Variants in IGF1R observed in about 807,000 individuals in gnomAD.
The protein encoded by IGF1R is insulin like growth factor 1 receptor, also known as insulin-like growth factor 1 receptor.
A neutral mutation model predicts 144.6 loss-of-function variants in IGF1R; 44 were observed. The ratio of observed to expected loss-of-function variants is 0.30; its 90% CI spans 0.24 to 0.39. The LOEUF (loss-of-function observed/expected upper bound fraction) is 0.39, where lower values mean the gene tolerates loss of function less well. Ranked by LOEUF, IGF1R falls within the 10% of genes least tolerant of loss-of-function variation. The pLI, the probability that IGF1R is intolerant of heterozygous loss-of-function variation, is 1.00. For synonymous variants in IGF1R, 795 were observed against 722.8 expected, an observed-to-expected ratio of 1.10 and a Z score of -1.60; for missense variants, 1,355 against 1,833.7, an observed-to-expected ratio of 0.74 and a Z score of 4.77.
At chr15:98,692,484 AG>A (rs2053500570) in intron 1 of IGF1R, among the ~76,000 whole-genome samples, 1 of 152,204 alleles carries the variant, frequency 6.6e-6, no homozygotes, top group South Asian at 2.1e-4. Context: ...CTGGGGTTAC[AG>A]GCATGAGCCA....
At chr15:98,780,575 AG>A (rs1316805991) in intron 2 of IGF1R, among the ~76,000 whole-genome samples, 387 of 9,822 alleles carry the variant, frequency 0.039, 45 homozygotes, top group African/African-American at 0.054. Flanking sequence ...AAAAAAAAAA[AG>A]AGAGAGAGAG....
intron 14 of IGF1R, among the ~76,000 whole-genome samples, 199 bp from the exon 15 acceptor site, chr15:98,930,036 G>A (rs1487103580): frequency 6.6e-6 from 1 of 152,256 alleles, no homozygotes; most frequent in Non-Finnish European, 1.5e-5. Flanking sequence ...GCCAGAAGAT[G>A]TGTTAGCAAA....
intron 2 of IGF1R, among the ~76,000 whole-genome samples, chr15:98,744,313 C>A (rs2054814904): frequency 1.3e-5 from 2 of 151,910 alleles, no homozygotes; most frequent in Admixed American, 1.3e-4. Context: ...GAACAACGTG[C>A]TAAAAGCCAC....
rs1349275283 is a variant in IGF1R at position 98,960,534 on chromosome 15, A to C, written c.*3092A>C. ...GAGGAGAGGAAGGTGTCCAGGCAGC[A>C]CCATCTCTGTGCGAATCCCCAGGGT... On this transcript the variant is annotated 3_prime_UTR_variant, in exon 21 of 21. Transcript: ENST00000650285. The C allele has an allele frequency of 4.3e-6, 1 of 233,320 alleles. No homozygotes were observed. The highest frequency in any genetic ancestry group is 8.5e-6 in the Non-Finnish European group (1 of 118,190). The allele number at this position is 233,320 out of a possible 1,614,324, so 14.5% of individuals were successfully genotyped here. A position where few individuals can be genotyped will look rare whatever the true frequency, so the allele number is the denominator to read the frequency against.
chr15:98,867,616 A>G (rs887193053), intron 2 of IGF1R, among the ~76,000 whole-genome samples: 4 of 152,180 alleles, frequency 2.6e-5, no homozygotes, highest in African/African-American at 7.2e-5. Flanking sequence ...TGTACATCTC[A>G]TCACCTGCAT....
At chr15:98,728,007 G>T (rs76190577) in intron 2 of IGF1R, among the ~76,000 whole-genome samples, 173 of 108,728 alleles carry the variant, frequency 1.6e-3, no homozygotes, top group East Asian at 5.5e-3. Context: ...AAGATGCATT[G>T]TTTTTTTTTT....
intron 20 of IGF1R, among the ~76,000 whole-genome samples, chr15:98,953,851 A>G (rs1327283941): frequency 1.3e-5 from 2 of 152,150 alleles, no homozygotes; most frequent in African/African-American, 4.8e-5. Flanking sequence ...TTCTGCGGGA[A>G]TCGAGTGCTT....
At chr15:98,657,691 C>T (rs1051758106) in intron 1 of IGF1R, among the ~76,000 whole-genome samples, 2 of 152,174 alleles carry the variant, frequency 1.3e-5, no homozygotes, top group South Asian at 4.1e-4. Context: ...AGGTACAGAA[C>T]TTTTGTTATG....
rs1188138807 is a variant in IGF1R, at chr15:98,935,081, A to G, written c.3186+28A>G. 6.4e-7 allele frequency: 1 copy of G among 1,550,520 alleles called. No individual in the cohort carries two copies. Among genetic ancestry groups the G allele is most frequent in the South Asian group, 1.1e-5 (1 of 89,612 alleles). ...AAGAGAAAGTTCCTGAAAAGCCAAAATGCAGCACAGGGAGAGGGTATCACA... is the reference window on the plus strand; with the variant it reads ...AAGAGAAAGTTCCTGAAAAGCCAAAGTGCAGCACAGGGAGAGGGTATCACA... On this transcript the variant is annotated intron_variant, in intron 16 of 20. Transcript: ENST00000650285. This position sits in a 1 kb window ranked among gnomAD's most constrained non-coding sequence, Gnocchi z 4.2.
At chr15:98,836,585 A>G (rs546510699) in intron 2 of IGF1R, among the ~76,000 whole-genome samples, 3 of 152,122 alleles carry the variant, frequency 2.0e-5, no homozygotes, top group Admixed American at 6.5e-5. Flanking sequence ...AGCATTTTAC[A>G]TAATCTATAC....
At chr15:98,679,356 C>T (rs1423369698) in intron 1 of IGF1R, among the ~76,000 whole-genome samples, 1 of 152,152 alleles carries the variant, frequency 6.6e-6, no homozygotes, top group Non-Finnish European at 1.5e-5. Flanking sequence ...CTCTCTTAAT[C>T]TTGATTAGAT....
chr15:98,755,021 A>T (rs1036948963), intron 2 of IGF1R, among the ~76,000 whole-genome samples: 3 of 152,216 alleles, frequency 2.0e-5, no homozygotes, highest in South Asian at 2.1e-4. Context: ...GTCTCTTTAA[A>T]ATTCTCTTTA....
At chr15:98,734,971 C>T (rs543152374) in intron 2 of IGF1R, among the ~76,000 whole-genome samples, 31 of 152,258 alleles carry the variant, frequency 2.0e-4, no homozygotes, top group Admixed American at 7.8e-4. Flanking sequence ...TGCATTAAAA[C>T]AAGTATGGGT....
chr15:98,749,572 A>G (rs868002956), intron 2 of IGF1R, among the ~76,000 whole-genome samples: 6 of 152,332 alleles, frequency 3.9e-5, no homozygotes, highest in Middle Eastern at 3.4e-3. Context: ...CTCACTTGTT[A>G]TTTAATAATG....
intron 1 of IGF1R, among the ~76,000 whole-genome samples, chr15:98,664,888 A>G (rs1349027821): frequency 1.3e-5 from 2 of 149,340 alleles, no homozygotes; most frequent in East Asian, 2.0e-4. Flanking sequence ...TTGGGTGTGT[A>G]TTGATTCTGA....
chr15:98,670,225 A>G (rs1309846333), intron 1 of IGF1R, among the ~76,000 whole-genome samples: 2 of 152,154 alleles, frequency 1.3e-5, no homozygotes, highest in South Asian at 4.1e-4. Flanking sequence ...GAGTGAGCAC[A>G]CTGGGAAAGA....
At chr15:98,689,224 A>G (rs920298325) in intron 1 of IGF1R, among the ~76,000 whole-genome samples, 4 of 147,204 alleles carry the variant, frequency 2.7e-5, no homozygotes, top group African/African-American at 1.0e-4. Context: ...AGCTTTGGAC[A>G]GTTGCACTAC....
chr15:98,822,445 G>A (rs543693969), intron 2 of IGF1R, among the ~76,000 whole-genome samples: 1 of 152,292 alleles, frequency 6.6e-6, no homozygotes, highest in South Asian at 2.1e-4. Context: ...CATGATAAAA[G>A]ATCTCGTCTT....
At chr15:98,677,894 G>A (rs1414345002) in intron 1 of IGF1R, among the ~76,000 whole-genome samples, 1 of 152,188 alleles carries the variant, frequency 6.6e-6, no homozygotes, top group Non-Finnish European at 1.5e-5. Flanking sequence ...ACCAAGCATG[G>A]TTGGTCATAG....
Sources: gnomAD v4.1 joint callset for allele counts (sites outside exome capture counted in the v4.1 genomes callset) on GRCh38, gnomAD v4.1.1 for gene constraint, Gnocchi (gnomAD v3.1) non-coding constraint, MANE v1.5 for transcripts, NCBI Gene and HGNC (gene_info 2026-07-23, HGNC 2026-07-21) for gene names.